Variants in CIAPIN1 observed in about 807,000 individuals in gnomAD.
CIAPIN1 encodes the protein cytokine induced apoptosis inhibitor 1.
CIAPIN1 carries 18 observed loss-of-function variants against 34.3 expected under a neutral mutation model. The observed-to-expected ratio is 0.52, with a 90% confidence interval of 0.36 to 0.78. The LOEUF (loss-of-function observed/expected upper bound fraction) is 0.78, where lower values mean the gene tolerates loss of function less well. Ranked by LOEUF, CIAPIN1 falls within the 30% of genes least tolerant of loss-of-function variation. The probability of loss-of-function intolerance (pLI) is 0.00; values close to 1 mark genes in which losing one functional copy is unlikely to be tolerated. For synonymous variants in CIAPIN1, 131 were observed against 140.4 expected (o/e 0.93, Z 0.47); for missense variants, 310 against 372.5 (o/e 0.83, Z 1.38).
Position 57,440,866 on chromosome 16 carries a change from T to C in CIAPIN1, c.63A>G (p.Pro21=). 6.2e-7 allele frequency: 1 copy of C among 1,614,098 alleles called. No homozygotes were observed. Among genetic ancestry groups the C allele is most frequent in the Non-Finnish European group, 8.5e-7 (1 of 1,179,974 alleles). ...CCACCAGACCTTTCAGAGCCTCCAC[T>C]GGGGATGACTTATCCCAGACCACTG... The part of the protein sequence containing the change: ...FVAVVWDKSS[P]VEALKGLVDK... The change falls in exon 2 of 9, where the codon CCA becomes CCG. Residue 21 remains proline, a synonymous_variant. Transcript: ENST00000394391.
chr16:57,440,396 C>A (rs1188037433), intron 2 of CIAPIN1, among the ~76,000 whole-genome samples: 1 of 152,126 alleles, frequency 6.6e-6, no homozygotes, highest in African/African-American at 2.4e-5. Context: ...CTCTGTGACC[C>A]ACACCCTATT....
chr16:57,433,436 C>T (rs1903131279), intron 5 of CIAPIN1, among the ~76,000 whole-genome samples: 1 of 152,098 alleles, frequency 6.6e-6, no homozygotes, highest in South Asian at 2.1e-4. Context: ...TGGGAATGTA[C>T]CAGTAAATAT....
intron 3 of CIAPIN1, among the ~76,000 whole-genome samples, chr16:57,437,400 T>G (rs1227803693): frequency 6.6e-6 from 1 of 152,066 alleles, no homozygotes; most frequent in Admixed American, 6.6e-5. Context: ...ACCTAAGCAA[T>G]TGTGTTTAGT....
rs1903319129 is a variant in CIAPIN1 at position 57,440,991 on chromosome 16, G to A, written c.-55-8C>T. On this transcript the variant is annotated splice_polypyrimidine_tract_variant and splice_region_variant and intron_variant, in intron 1 of 8. Coordinates refer to ENST00000394391, the MANE Select transcript of CIAPIN1 (RefSeq NM_020313.4). ...GCCAAAAGGGAATCAAGACTGGGCA[G>A]AGACAAAGTGCAATTTAATCTGTGA... is the stretch of plus-strand genomic sequence containing the variant. 9 of 1,524,434 alleles carry A rather than the reference G, an allele frequency of 5.9e-6. No homozygotes were observed. Among genetic ancestry groups the A allele is most frequent in the African/African-American group, 2.8e-5 (2 of 71,710 alleles). The allele number at this position is 1,524,434 out of a possible 1,614,324, so 94.4% of individuals were successfully genotyped here. A position where few individuals can be genotyped will look rare whatever the true frequency, so the allele number is the denominator to read the frequency against.
intron 1 of CIAPIN1, 38 bp from the exon 2 acceptor site, chr16:57,441,021 T>C (rs1342597194): frequency 3.9e-5 from 53 of 1,344,024 alleles, no homozygotes; most frequent in Admixed American, 4.9e-5. Flanking sequence ...CTGTGAGATA[T>C]CATAAAATAT....
chr16:57,438,948 G>T (rs74809791), intron 3 of CIAPIN1, among the ~76,000 whole-genome samples: 10,296 of 152,224 alleles, frequency 0.068, 577 homozygotes, highest in African/African-American at 0.15. Context: ...ACCTGCAAAA[G>T]GACCCATTTT....
chr16:57,434,293 G>C, intron 4 of CIAPIN1, 81 bp from the exon 5 acceptor site: 1 of 1,352,290 alleles, frequency 7.4e-7, no homozygotes, highest in Admixed American at 1.8e-5. Flanking sequence ...AGGAGTCAAA[G>C]ACTCATTTCT....
rs368064049 is a variant in CIAPIN1 at position 57,439,277 on chromosome 16, G to A, written c.215C>T (p.Thr72Ile). Residue 72 changes from threonine to isoleucine, a missense_variant, in exon 3 of 9, where the codon ACC (threonine) becomes ATC (isoleucine). Transcript: ENST00000394391. ...CAAAATCTCAGCACTGTGCAGAGTG[G>A]TGCTTCCTGGGACTAAACCTGACAA... ...IILSGLVPGS[T>I]TLHSAEILAE... is the part of the protein sequence containing the mutation. 1.7e-5 allele frequency: 27 copies of A among 1,614,144 alleles called. No individual in the cohort carries two copies. In the African/African-American group the frequency reaches 3.2e-4, roughly 19 times the overall value.
chr16:57,432,761 T>C (rs144716320), intron 5 of CIAPIN1, among the ~76,000 whole-genome samples: 1 of 152,342 alleles, frequency 6.6e-6, no homozygotes. Context: ...GAAGTCACCA[T>C]TTGCTAAGCT....
At chr16:57,436,273 G>A (rs1231233921) in intron 4 of CIAPIN1, among the ~76,000 whole-genome samples, 1 of 152,202 alleles carries the variant, frequency 6.6e-6, no homozygotes, top group Non-Finnish European at 1.5e-5. Flanking sequence ...TGTCGCCCAG[G>A]CTGGAGGGCA....
intron 1 of CIAPIN1, among the ~76,000 whole-genome samples, chr16:57,443,307 T>G (rs1598030260): frequency 6.6e-6 from 1 of 151,944 alleles, no homozygotes; most frequent in African/African-American, 2.4e-5. Context: ...GCCCGTCTAC[T>G]TTTGTATTTT....
intron 3 of CIAPIN1, among the ~76,000 whole-genome samples, chr16:57,438,750 T>C (rs772819681): frequency 2.0e-5 from 3 of 152,176 alleles, no homozygotes; most frequent in Non-Finnish European, 2.9e-5. Context: ...CAAACTCTGA[T>C]CTCCACCGCC....
At position 57,436,655 on chromosome 16, in the gene CIAPIN1, C is replaced by T; in HGVS notation, c.387+1G>A. 2.5e-6 allele frequency: 4 copies of T among 1,612,470 alleles called. No individual in the cohort carries two copies. The highest frequency in any genetic ancestry group is 3.4e-6 in the Non-Finnish European group (4 of 1,178,618). ...GCAAAGAAAGTTGTCTACAAACGTA[C>T]CTCTTTCACTTCCACAAGACCAGAA... is the stretch of plus-strand genomic sequence containing the variant. On this transcript the variant is annotated splice_donor_variant, in intron 4 of 8. Coordinates refer to ENST00000394391, the MANE Select transcript of CIAPIN1 (RefSeq NM_020313.4). LOFTEE classifies it high-confidence loss of function.
intron 1 of CIAPIN1, among the ~76,000 whole-genome samples, chr16:57,442,918 C>G (rs187349199): frequency 2.0e-5 from 3 of 152,140 alleles, no homozygotes; most frequent in Admixed American, 1.3e-4. Flanking sequence ...CCTCCTTATT[C>G]TATGAAAACC....
At chr16:57,436,530 T>G in intron 4 of CIAPIN1, 126 bp downstream of exon 4, 14 of 576,132 alleles carry the variant, frequency 2.4e-5, no homozygotes, top group East Asian at 4.0e-5. Context: ...ACCCGGCCGA[T>G]TCTCCCAAGT....
intron 1 of CIAPIN1, among the ~76,000 whole-genome samples, chr16:57,445,263 T>G (rs1015175855): frequency 1.4e-4 from 21 of 152,190 alleles, no homozygotes; most frequent in Non-Finnish European, 2.4e-4. Flanking sequence ...ATCCCACACT[T>G]TGGGAGGCTG....
chr16:57,441,710 G>A (rs1230832193), intron 1 of CIAPIN1, among the ~76,000 whole-genome samples: 2 of 152,204 alleles, frequency 1.3e-5, no homozygotes, highest in Non-Finnish European at 2.9e-5. Flanking sequence ...TCATCTGACT[G>A]TAAATCCCAT....
Position 57,428,982 on chromosome 16 carries a change from C to G in CIAPIN1, c.*188G>C. ...AAACCAGGTCCCATAATACCTTGGT[C>G]TTTTGATACACAGCAGCACTACACA... On this transcript the variant is annotated 3_prime_UTR_variant, in exon 9 of 9. Transcript: ENST00000394391. 2 of 545,020 alleles carry G rather than the reference C, an allele frequency of 3.7e-6. No homozygotes were observed. Among genetic ancestry groups the G allele is most frequent in the South Asian group, 4.8e-5 (2 of 41,780 alleles). The allele number at this position is 545,020 out of a possible 1,614,324, so 33.8% of individuals were successfully genotyped here.
intron 1 of CIAPIN1, among the ~76,000 whole-genome samples, chr16:57,446,085 A>G (rs2030054346): frequency 6.6e-6 from 1 of 152,078 alleles, no homozygotes; most frequent in African/African-American, 2.4e-5. Flanking sequence ...AGCTCAAGTG[A>G]TCCACACGCC....
Sources: allele counts gnomAD v4.1 joint callset (sites outside exome capture counted in the v4.1 genomes callset), GRCh38; gene constraint gnomAD v4.1.1; transcripts MANE v1.5; gene names NCBI Gene and HGNC (gene_info 2026-07-23, HGNC 2026-07-21).